Variants in METTL2A observed in about 807,000 individuals in gnomAD.
The protein encoded by METTL2A is methyltransferase 2A, tRNA N3-cytidine.
Under a neutral mutation model 49.4 loss-of-function variants are expected in METTL2A, and 45 were observed. The observed-to-expected ratio is 0.91, with a 90% CI of 0.72 to 1.17. The LOEUF (loss-of-function observed/expected upper bound fraction) is 1.17. Among genes scored for constraint, METTL2A ranks in the 50% most tolerant of loss-of-function variants. The pLI, the probability that METTL2A is intolerant of heterozygous loss-of-function variation, is 0.00. For missense variants in METTL2A, 361 were observed against 462.2 expected (o/e 0.78, Z 2.01); for synonymous variants, 118 against 167.5 (o/e 0.70, Z 2.28).
intron 1 of METTL2A, 91 bp from the exon 2 acceptor site, chr17:62,424,128 T>G (rs1470619740): frequency 6.3e-7 from 1 of 1,593,882 alleles, no homozygotes; most frequent in Non-Finnish European, 8.5e-7. Flanking sequence ...CCCGAGGCAC[T>G]CTCCAAGGGG....
Position 62,448,774 on chromosome 17 carries a change from G to A in METTL2A, c.*45G>A, listed in dbSNP as rs2070786087. 3.1e-6 allele frequency: 5 copies of A among 1,600,902 alleles called. No individual in the cohort carries two copies. Among genetic ancestry groups the A allele is most frequent in the Non-Finnish European group, 4.3e-6 (5 of 1,173,082 alleles). On this transcript the variant is annotated 3_prime_UTR_variant, in exon 9 of 9. Transcript: ENST00000311506. The stretch of plus-strand genomic sequence containing the variant: ...CGATGCAAGCCCATTGTGTTTCCGG[G>A]CTTTTTTAAAAAAAAAATTGTAGCA...
Position 62,440,599 on chromosome 17 carries a change from T to A in METTL2A, c.670-18T>A. ...GTTAATATTTTCTAACTTACCTGTG[T>A]CTTCCATCTGTCTGCAGACAAATTC... On this transcript the variant is annotated intron_variant, in intron 5 of 8. Transcript: ENST00000311506. 6.2e-7 allele frequency: 1 copy of A among 1,601,804 alleles called. No individual in the cohort carries two copies. Among genetic ancestry groups the A allele is most frequent in the Non-Finnish European group, 8.5e-7 (1 of 1,176,498 alleles).
rs762537534 is a variant in METTL2A, at chr17:62,449,272, A to G, written c.*543A>G. On this transcript the variant is annotated 3_prime_UTR_variant, in exon 9 of 9. Transcript: ENST00000311506. ...CTAGGCAATTGCAGTTAATACATAC[A>G]GAGGTTAGTGAAGGGCTTATTAAGT... 2.8e-6 allele frequency: 1 copy of G among 353,900 alleles called. No homozygotes were observed. Among genetic ancestry groups the G allele is most frequent in the Non-Finnish European group, 5.4e-6 (1 of 185,322 alleles). 21.9% of individuals were successfully genotyped at this position (353,900 alleles called of 1,614,324 possible).
intron 4 of METTL2A, among the ~76,000 whole-genome samples, chr17:62,428,550 A>G (rs2070643641): frequency 6.6e-6 from 1 of 152,240 alleles, no homozygotes; most frequent in Non-Finnish European, 1.5e-5. Context: ...CAGGCTGTAA[A>G]TCAGGGTAGC....
Position 62,435,280 on chromosome 17 carries a change from A to G in METTL2A, c.657A>G (p.Ile219Met). 3 of 1,613,988 alleles carry G rather than the reference A, an allele frequency of 1.9e-6. No individual in the cohort carries two copies. The highest frequency in any genetic ancestry group is 1.7e-6 in the Non-Finnish European group (2 of 1,179,874). ...GCTGTGATTTTTCTTCCACAGCTAT[A>G]GAACTGGTCCAGGTGAGTACAATGG... ...VYCCDFSSTA[I>M]ELVQTNSEYD... The change falls in exon 5 of 9, where the codon ATA (isoleucine) becomes ATG (methionine). Residue 219 changes from isoleucine to methionine, a missense_variant. Ile to Met is a conservative substitution (Grantham distance 10, BLOSUM62 1). Transcript: ENST00000311506.
At position 62,451,337 on chromosome 17, in the gene METTL2A, A is replaced by G. The variant is rs936316040; in HGVS notation, c.*2608A>G. The stretch of plus-strand genomic sequence containing the variant: ...AATTTTTTGTATTTTTAGTAGAGAC[A>G]GAGTTTCTCCATGTTGGTCAGGCTG... On this transcript the variant is annotated 3_prime_UTR_variant, in exon 9 of 9. Transcript: ENST00000311506. 6.6e-6 allele frequency among the ~76,000 whole-genome samples: 1 copy of G among 151,348 alleles called. No individual in the cohort carries two copies. The highest frequency in any genetic ancestry group is 2.4e-5 in the African/African-American group (1 of 41,318).
At position 62,452,070 on chromosome 17, in the gene METTL2A, A is replaced by C. The variant is rs59951232; in HGVS notation, c.*3341A>C. On this transcript the variant is annotated 3_prime_UTR_variant, in exon 9 of 9. Coordinates refer to ENST00000311506, the MANE Select transcript of METTL2A (RefSeq NM_181725.4). ...GAGACTCCGTCTCAAAATAAAAAAC[A>C]AAAAAAATGTAAAAAATAAATAATT... is the stretch of plus-strand genomic sequence containing the variant. Among the ~76,000 whole-genome samples, 1,218 of 152,222 alleles carry C rather than the reference A, an allele frequency of 8.0e-3. 12 individuals are homozygous for C. The highest frequency in any genetic ancestry group is 0.028 in the African/African-American group (1,167 of 41,524).
At position 62,450,276 on chromosome 17, in the gene METTL2A, T is replaced by TTTTTTTTTTTTTG. The variant is rs1491515685; in HGVS notation, c.*1547_*1548insTTTTTTTTTTTTG. 1 of 87,192 alleles carries TTTTTTTTTTTTTG rather than the reference T, an allele frequency of 1.1e-5. No homozygotes were observed. The highest frequency in any genetic ancestry group is 4.0e-5 in the African/African-American group (1 of 24,998). The allele number at this position is 87,192 out of a possible 1,614,324, so 5.4% of individuals were successfully genotyped here. A position where few individuals can be genotyped will look rare whatever the true frequency, so the allele number is the denominator to read the frequency against. ...TTTTTTTTTTTTTTTTTTTTTTTTT[T>TTTTTTTTTTTTTG]AAGGAGACAGGGCTCTCACTTTGTT... On this transcript the variant is annotated 3_prime_UTR_variant, in exon 9 of 9. Coordinates refer to ENST00000311506, the MANE Select transcript of METTL2A (RefSeq NM_181725.4).
chr17:62,435,716 C>T (rs1456673400), intron 5 of METTL2A, among the ~76,000 whole-genome samples: 2 of 152,128 alleles, frequency 1.3e-5, no homozygotes, highest in Non-Finnish European at 2.9e-5. Context: ...TAAATGCATG[C>T]GTTGTGACTG....
At chr17:62,444,651 A>C (rs2070757139) in intron 6 of METTL2A, among the ~76,000 whole-genome samples, 186 bp from the exon 7 acceptor site, 1 of 152,182 alleles carries the variant, frequency 6.6e-6, no homozygotes, top group Non-Finnish European at 1.5e-5. Context: ...CAGTGGATCG[A>C]GGCCACAGCT....
chr17:62,426,516 G>T lies in METTL2A; in HGVS notation c.420G>T (p.Gln140His). 6.2e-7 allele frequency: 1 copy of T among 1,604,164 alleles called. No individual in the cohort carries two copies. Among genetic ancestry groups the T allele is most frequent in the Non-Finnish European group, 8.5e-7 (1 of 1,171,818 alleles). Reference sequence around the variant, plus strand: ...GACCTGGTTTAATAATGGAAGAACAGCACAAGTGTTCTTCAAAGAGCCTTG... The same window carrying T: ...GACCTGGTTTAATAATGGAAGAACATCACAAGTGTTCTTCAAAGAGCCTTG... ...EDGPGLIMEE[Q>H]HKCSSKSLEH... Residue 140 changes from glutamine (Q) to histidine (H), a missense_variant, in exon 3 of 9, where the codon CAG (glutamine) becomes CAT (histidine). Physicochemically the swap from Gln to His is conservative, Grantham distance 24. Around this residue, in one of 3 missense-constraint regions of METTL2A, gnomAD observed 28 missense variants for 75.6 expected, o/e 0.37. Coordinates refer to ENST00000311506, the MANE Select transcript of METTL2A (RefSeq NM_181725.4).
intron 4 of METTL2A, among the ~76,000 whole-genome samples, chr17:62,434,586 T>C (rs1363566944): frequency 1.3e-5 from 2 of 152,234 alleles, no homozygotes; most frequent in African/African-American, 2.4e-5. Context: ...AGAATAAATA[T>C]ATAATGTGCT....
chr17:62,433,900 A>G (rs2070682929), intron 4 of METTL2A, among the ~76,000 whole-genome samples: 1 of 152,086 alleles, frequency 6.6e-6, no homozygotes, highest in Non-Finnish European at 1.5e-5. Context: ...CGTCTCTACT[A>G]AAAATACAAA....
intron 6 of METTL2A, among the ~76,000 whole-genome samples, chr17:62,441,065 CA>C (rs1277552445): frequency 2.0e-5 from 3 of 152,324 alleles, no homozygotes; most frequent in African/African-American, 7.2e-5. Flanking sequence ...CTTGGCCTCC[CA>C]AAGTGCTGGG....
Position 62,424,288 on chromosome 17 carries a change from G to T in METTL2A, c.180G>T (p.Gln60His). ...AERKVQENSI[Q>H]RVCQEKQVDY... ...GAAAAGTCCAGGAGAACAGTATCCA[G>T]CGGGTGTGCCAGGAGAAACAAGGTG... The change falls in exon 2 of 9, where the codon CAG (glutamine) becomes CAT (histidine). Residue 60 changes from glutamine to histidine, a missense_variant. Transcript: ENST00000311506. The T allele has an allele frequency of 6.2e-7, 1 of 1,614,018 alleles. No individual in the cohort carries two copies. The highest frequency in any genetic ancestry group is 8.5e-7 in the Non-Finnish European group (1 of 1,179,908).
chr17:62,437,770 G>A (rs1371509930), intron 5 of METTL2A, among the ~76,000 whole-genome samples: 2 of 151,590 alleles, frequency 1.3e-5, no homozygotes, highest in East Asian at 2.0e-4. Flanking sequence ...TCAGGAGTTC[G>A]ATACCATCCT....
Position 62,451,091 on chromosome 17 carries a change from G to A in METTL2A, c.*2362G>A, listed in dbSNP as rs2070803013. Among the ~76,000 whole-genome samples, 1 of 151,688 alleles carries A rather than the reference G, an allele frequency of 6.6e-6. No homozygotes were observed. The highest frequency in any genetic ancestry group is 6.6e-5 in the Admixed American group (1 of 15,212). On this transcript the variant is annotated 3_prime_UTR_variant, in exon 9 of 9. Coordinates refer to ENST00000311506, the MANE Select transcript of METTL2A (RefSeq NM_181725.4). ...GGCTCCTGTAATCCTAGCATTTTGG[G>A]AGCCCAAGGCAGGAGTTCAAGACCA...
chr17:62,440,615 A>C lies in METTL2A; in HGVS notation c.670-2A>C. On this transcript the variant is annotated splice_acceptor_variant, in intron 5 of 8. Coordinates refer to ENST00000311506, the MANE Select transcript of METTL2A (RefSeq NM_181725.4). LOFTEE classifies it high-confidence loss of function. ...TTACCTGTGTCTTCCATCTGTCTGC[A>C]GACAAATTCAGAATATGATCCTTCT... The C allele has an allele frequency of 6.2e-7, 1 of 1,608,766 alleles. No individual in the cohort carries two copies. Among genetic ancestry groups the C allele is most frequent in the East Asian group, 2.2e-5 (1 of 44,796 alleles).
chr17:62,444,114 C>T (rs1385679794), intron 6 of METTL2A, among the ~76,000 whole-genome samples: 3 of 152,160 alleles, frequency 2.0e-5, no homozygotes, highest in African/African-American at 4.8e-5. Flanking sequence ...AAAGATACAG[C>T]CCCTACATTG....
Sources: gnomAD v4.1 joint callset for allele counts (sites outside exome capture counted in the v4.1 genomes callset) on GRCh38, gnomAD v4.1.1 for gene constraint, gnomAD v4.1.1 regional missense constraint, MANE v1.5 for transcripts, NCBI Gene and HGNC (gene_info 2026-07-23, HGNC 2026-07-21) for gene names.